CERKL: variants seen among roughly 807,000 people sequenced by gnomAD.
The protein encoded by CERKL is CERK like autophagy regulator.
CERKL carries 61 observed loss-of-function variants against 63.4 expected under a neutral mutation model. The ratio of observed to expected loss-of-function variants is 0.96; its 90% confidence interval spans 0.78 to 1.19. CERKL has a LOEUF of 1.19. CERKL is among the 50% of genes most tolerant of loss of function. The probability of loss-of-function intolerance (pLI) is 0.00; values close to 1 mark genes in which losing one functional copy is unlikely to be tolerated. For missense variants in CERKL, 675 were observed against 655.5 expected, an observed-to-expected ratio of 1.03 and a Z score of -0.33; for synonymous variants, 250 against 230.5, an observed-to-expected ratio of 1.08 and a Z score of -0.77.
chr2:181,604,531 C>T (rs1685597798), intron 1 of CERKL, among the ~76,000 whole-genome samples: 1 of 152,144 alleles, frequency 6.6e-6, no homozygotes, highest in Admixed American at 6.5e-5. Context: ...CCCTGCCACA[C>T]AGGCCTACAA....
At position 181,610,017 on chromosome 2, in the gene CERKL, C is replaced by T. The variant is rs1016998655; in HGVS notation, c.239-5938G>A. 2.0e-5 allele frequency among the ~76,000 whole-genome samples: 3 copies of T among 152,156 alleles called. No homozygotes were observed. The South Asian group carries it at 6.2e-4, about 32-fold the overall frequency. On this transcript the variant is annotated intron_variant, in intron 1 of 12. Transcript: ENST00000410087. Reference sequence around the variant, plus strand: ...GCCGTAAGACACAAAGGAAGACAGACATCAATATATTTAACATTAAAATTA... The same window carrying T: ...GCCGTAAGACACAAAGGAAGACAGATATCAATATATTTAACATTAAAATTA...
chr2:181,560,358 G>A (rs1030508929), intron 4 of CERKL, among the ~76,000 whole-genome samples: 2 of 152,138 alleles, frequency 1.3e-5, no homozygotes, highest in African/African-American at 4.8e-5. Flanking sequence ...TACAATTATA[G>A]CGTCATGCAT....
intron 2 of CERKL, among the ~76,000 whole-genome samples, chr2:181,578,072 A>C (rs1684329426): frequency 6.6e-6 from 1 of 152,176 alleles, no homozygotes; most frequent in South Asian, 2.1e-4. Flanking sequence ...CATGCTACAG[A>C]ATTCAAAATC....
chr2:181,591,103 GGAGT>G (rs1241515521), intron 2 of CERKL, among the ~76,000 whole-genome samples: 11 of 152,252 alleles, frequency 7.2e-5, no homozygotes, highest in African/African-American at 2.6e-4. Context: ...GACACGATAT[GGAGT>G]GATTTCCAGT....
At chr2:181,548,638 T>C (rs770716465) in intron 7 of CERKL, 34 bp from the exon 8 acceptor site, 10 of 1,612,760 alleles carry the variant, frequency 6.2e-6, no homozygotes, top group South Asian at 2.2e-5. Context: ...TTAACAGTCA[T>C]TGAACCTGGG....
intron 1 of CERKL, among the ~76,000 whole-genome samples, chr2:181,655,886 C>A (rs1283711114): frequency 6.6e-6 from 1 of 152,156 alleles, no homozygotes; most frequent in Non-Finnish European, 1.5e-5. Flanking sequence ...CACATCTAAG[C>A]TAATTCAACA....
chr2:181,614,103 G>A (rs1204146966), intron 1 of CERKL, among the ~76,000 whole-genome samples: 9 of 145,520 alleles, frequency 6.2e-5, no homozygotes, highest in African/African-American at 2.5e-4. Flanking sequence ...TATGAGGAGT[G>A]GACCAGCTGG....
At chr2:181,616,703 G>C (rs547610056) in intron 1 of CERKL, among the ~76,000 whole-genome samples, 78 of 152,174 alleles carry the variant, frequency 5.1e-4, no homozygotes, top group African/African-American at 1.8e-3. Flanking sequence ...TTCAATCATA[G>C]ACAATCTTCT....
Position 181,558,827 on chromosome 2 carries a change from T to A in CERKL, c.678-119A>T, listed in dbSNP as rs1426177633. The A allele has an allele frequency of 3.1e-6, 3 of 967,468 alleles. No individual in the cohort carries two copies. The African/African-American group carries it at 4.8e-5, about 16-fold the overall frequency. 59.9% of individuals were successfully genotyped at this position (967,468 alleles called of 1,614,324 possible). A position where few individuals can be genotyped will look rare whatever the true frequency, so the allele number is the denominator to read the frequency against. ...TAGTCTATGTGCATAACTGCTCACA[T>A]GTACCTTTAAACATGTTAATATGTG... On this transcript the variant is annotated intron_variant, in intron 4 of 12. Coordinates refer to ENST00000410087, the MANE Select transcript of CERKL (RefSeq NM_201548.5). This position sits in a 1 kb window ranked among gnomAD's most constrained non-coding sequence, Gnocchi z 4.2.
Position 181,589,813 on chromosome 2 carries a change from A to C in CERKL, c.481+14024T>G, listed in dbSNP as rs190454574. On this transcript the variant is annotated intron_variant, in intron 2 of 12. Coordinates refer to ENST00000410087, the MANE Select transcript of CERKL (RefSeq NM_201548.5). ...AGAAAAAGTGTGTAAATTTAACTCC[A>C]CAAAAGGTATGTATGTATGTATGTA... 1.4e-4 allele frequency among the ~76,000 whole-genome samples: 21 copies of C among 152,212 alleles called. No homozygotes were observed. The East Asian group carries it at 3.5e-3, about 25-fold the overall frequency.
chr2:181,630,870 AT>A (rs1686928421), intron 1 of CERKL, among the ~76,000 whole-genome samples: 1 of 152,220 alleles, frequency 6.6e-6, no homozygotes, highest in Non-Finnish European at 1.5e-5. Flanking sequence ...GTATTGCCAT[AT>A]CAAGGAAAAC....
Position 181,558,812 on chromosome 2 carries a change from G to T in CERKL, c.678-104C>A. On this transcript the variant is annotated intron_variant, in intron 4 of 12. Transcript: ENST00000410087. The surrounding 1 kb of genome is among the most constrained non-coding windows in gnomAD (Gnocchi z 4.2). Reference sequence around the variant, plus strand: ...TAGTTTACTAATTTGTAGTCTATGTGCATAACTGCTCACATGTACCTTTAA... The same window carrying T: ...TAGTTTACTAATTTGTAGTCTATGTTCATAACTGCTCACATGTACCTTTAA... The T allele has an allele frequency of 8.9e-7, 1 of 1,124,588 alleles. No individual in the cohort carries two copies. 69.7% of individuals were successfully genotyped at this position (1,124,588 alleles called of 1,614,324 possible).
intron 1 of CERKL, among the ~76,000 whole-genome samples, chr2:181,631,065 T>C (rs760787269): frequency 6.6e-6 from 1 of 152,168 alleles, no homozygotes; most frequent in Admixed American, 6.5e-5. Flanking sequence ...TTAGTCAACA[T>C]AGCAAGGGAT....
chr2:181,552,463 T>C (rs1056866549), intron 5 of CERKL, among the ~76,000 whole-genome samples: 3 of 152,178 alleles, frequency 2.0e-5, no homozygotes, highest in African/African-American at 7.2e-5. Context: ...CCTGCCACCT[T>C]GTGAAGAATG....
chr2:181,650,222 A>G (rs1256514500), intron 1 of CERKL: 1 of 152,202 alleles, frequency 6.6e-6, no homozygotes, highest in Non-Finnish European at 1.5e-5. Flanking sequence ...AAAACTGACA[A>G]CTTCACAAAT....
chr2:181,561,637 T>C (rs889055631), intron 4 of CERKL, among the ~76,000 whole-genome samples: 7 of 152,094 alleles, frequency 4.6e-5, no homozygotes, highest in Non-Finnish European at 8.8e-5. Context: ...TCCTTCCCTT[T>C]CCAGGTCTTT....
At position 181,537,978 on chromosome 2, in the gene CERKL, T is replaced by G; in HGVS notation, c.*206A>C. The G allele has an allele frequency of 1.5e-6, 1 of 664,068 alleles. No individual in the cohort carries two copies. Among genetic ancestry groups the G allele is most frequent in the Non-Finnish European group, 2.8e-6 (1 of 354,876 alleles). 41.1% of individuals were successfully genotyped at this position (664,068 alleles called of 1,614,324 possible). A position where few individuals can be genotyped will look rare whatever the true frequency, so the allele number is the denominator to read the frequency against. On this transcript the variant is annotated 3_prime_UTR_variant, in exon 13 of 13. Coordinates refer to ENST00000410087, the MANE Select transcript of CERKL (RefSeq NM_201548.5). Reference sequence around the variant, plus strand: ...ATATGGTGAACTGGTATGTGAGGGATCTAGAGTGCCATGTTCCTCAAGAGA... The same window carrying G: ...ATATGGTGAACTGGTATGTGAGGGAGCTAGAGTGCCATGTTCCTCAAGAGA...
intron 5 of CERKL, among the ~76,000 whole-genome samples, chr2:181,555,955 G>C (rs1017935722): frequency 6.6e-6 from 1 of 151,882 alleles, no homozygotes; most frequent in Non-Finnish European, 1.5e-5. Context: ...GTTTCACCAT[G>C]TTGGCCAGGC....
intron 2 of CERKL, among the ~76,000 whole-genome samples, chr2:181,580,144 G>C (rs186115451): frequency 1.3e-5 from 2 of 151,884 alleles, no homozygotes; most frequent in African/African-American, 2.4e-5. Context: ...ATTATCTTAA[G>C]ATCAAATAAT....
Sources: allele counts gnomAD v4.1 joint callset (sites outside exome capture counted in the v4.1 genomes callset), GRCh38; gene constraint gnomAD v4.1.1; non-coding constraint Gnocchi (gnomAD v3.1); transcripts MANE v1.5; gene names NCBI Gene and HGNC (gene_info 2026-07-23, HGNC 2026-07-21).